The following RALGAPB variants were observed in gnomAD, a reference collection of about 807,000 sequenced individuals.
RALGAPB encodes ral GTPase-activating protein subunit beta.
Under a neutral mutation model 161.1 loss-of-function variants are expected in RALGAPB, and 25 were observed. The ratio of observed to expected loss-of-function variants is 0.16; its 90% CI spans 0.11 to 0.22. The LOEUF (loss-of-function observed/expected upper bound fraction) is 0.22, where lower values mean the gene tolerates loss of function less well. Ranked by LOEUF, RALGAPB falls within the 10% of genes least tolerant of loss-of-function variation. RALGAPB has a pLI of 1.00. For synonymous variants in RALGAPB, 629 were observed against 626.1 expected, an observed-to-expected ratio of 1.00 and a Z score of -0.07; for missense variants, 1,391 against 1,815.2, an observed-to-expected ratio of 0.77 and a Z score of 4.25.
chr20:38,505,446 AG>A (rs2122996309), intron 5 of RALGAPB, among the ~76,000 whole-genome samples: 1 of 152,298 alleles, frequency 6.6e-6, no homozygotes, highest in Admixed American at 6.5e-5. Context: ...GAAGAGGAGC[AG>A]TGTTGAAAAG....
At chr20:38,527,168 A>G (rs1027080598) in intron 13 of RALGAPB, among the ~76,000 whole-genome samples, 8 of 152,208 alleles carry the variant, frequency 5.3e-5, no homozygotes, top group African/African-American at 1.7e-4. Context: ...TTCATTAGCA[A>G]GACTAGAATT....
intron 24 of RALGAPB, among the ~76,000 whole-genome samples, chr20:38,564,951 C>T (rs1354415021): frequency 2.0e-5 from 3 of 150,916 alleles, no homozygotes; most frequent in African/African-American, 7.3e-5. Flanking sequence ...CCCCCTCTCT[C>T]TCTCTCTCTG....
At chr20:38,534,654 T>C (rs1171407904) in intron 15 of RALGAPB, among the ~76,000 whole-genome samples, 1 of 152,248 alleles carries the variant, frequency 6.6e-6, no homozygotes, top group African/African-American at 2.4e-5. Context: ...AGATGCTTGC[T>C]TCAGAGTAAT....
At chr20:38,478,030 G>A (rs2084857991) in intron 1 of RALGAPB, among the ~76,000 whole-genome samples, 1 of 152,220 alleles carries the variant, frequency 6.6e-6, no homozygotes, top group African/African-American at 2.4e-5. Flanking sequence ...GGCTGAGTGG[G>A]AGGATTACTT....
chr20:38,499,318 AT>A (rs1251423258), intron 4 of RALGAPB, 128 bp from the exon 5 acceptor site: 2 of 877,622 alleles, frequency 2.3e-6, no homozygotes, highest in African/African-American at 3.5e-5. Context: ...CTATTAAATG[AT>A]TATTTGAAAG....
intron 5 of RALGAPB, among the ~76,000 whole-genome samples, chr20:38,501,391 T>G (rs2085589626): frequency 1.3e-5 from 2 of 152,238 alleles, no homozygotes; most frequent in South Asian, 4.1e-4. Flanking sequence ...GTGGGCAGAT[T>G]AGTTGAGCTC....
intron 6 of RALGAPB, among the ~76,000 whole-genome samples, chr20:38,511,903 C>T (rs189202160): frequency 0.026 from 3,885 of 152,046 alleles, 164 homozygotes; most frequent in African/African-American, 0.089. Context: ...CCAGACGGGG[C>T]GGCCGGGCAG....
At chr20:38,488,763 C>A in intron 2 of RALGAPB, 145 bp downstream of exon 2, 1 of 762,298 alleles carries the variant, frequency 1.3e-6, no homozygotes, top group African/African-American at 1.8e-5. Flanking sequence ...TTCTCCCCAA[C>A]GTAGTATGAC....
At chr20:38,548,120 T>TG (rs1483848887) in intron 19 of RALGAPB, 1 of 152,166 alleles carries the variant, frequency 6.6e-6, no homozygotes, top group African/African-American at 2.4e-5. Flanking sequence ...AAAAAGGATC[T>TG]GGGTCACTCG....
At chr20:38,562,401 T>C (rs2087815954) in intron 23 of RALGAPB, 131 bp from the exon 24 acceptor site, 3 of 799,532 alleles carry the variant, frequency 3.8e-6, no homozygotes, top group Non-Finnish European at 5.6e-6. Context: ...TATAGTGATA[T>C]ATCCTCAAAT....
At chr20:38,521,966 G>A (rs755796067) in intron 10 of RALGAPB, among the ~76,000 whole-genome samples, 1 of 152,196 alleles carries the variant, frequency 6.6e-6, no homozygotes, top group Admixed American at 6.5e-5. Context: ...ACAATTATTT[G>A]TTAACAAATT....
At chr20:38,480,574 A>T (rs1171004637) in intron 1 of RALGAPB, among the ~76,000 whole-genome samples, 2 of 149,792 alleles carry the variant, frequency 1.3e-5, no homozygotes, top group African/African-American at 4.9e-5. Flanking sequence ...TTTAGTAGAG[A>T]TGGGGTTTCA....
Position 38,491,927 on chromosome 20 carries a change from C to T in RALGAPB, c.187-1003C>T, listed in dbSNP as rs2085292319. ...CTCTTTTGTGAGTGTTCACTGATTG[C>T]TTAGTAATTTGTCTCAAAGTTTTGT... On this transcript the variant is annotated intron_variant, in intron 2 of 29. Transcript: ENST00000262879. 2.0e-5 allele frequency among the ~76,000 whole-genome samples: 3 copies of T among 152,278 alleles called. No homozygotes were observed. The South Asian group carries it at 6.2e-4, about 32-fold the overall frequency.
intron 24 of RALGAPB, among the ~76,000 whole-genome samples, chr20:38,564,991 CT>C (rs2087941549): frequency 6.6e-6 from 1 of 150,856 alleles, no homozygotes; most frequent in African/African-American, 2.4e-5. Flanking sequence ...GCCTGCCTGC[CT>C]GCCTGCCTGT....
chr20:38,498,671 T>G (rs566340402), intron 4 of RALGAPB, among the ~76,000 whole-genome samples: 1 of 152,240 alleles, frequency 6.6e-6, no homozygotes, highest in Non-Finnish European at 1.5e-5. Context: ...GAAACACACA[T>G]TCTTACAACT....
chr20:38,512,682 A>G (rs528305053), intron 6 of RALGAPB, among the ~76,000 whole-genome samples: 2 of 152,118 alleles, frequency 1.3e-5, no homozygotes, highest in Non-Finnish European at 2.9e-5. Flanking sequence ...TGGAATTTTG[A>G]GTAGGATGTT....
intron 6 of RALGAPB, among the ~76,000 whole-genome samples, chr20:38,514,252 A>C (rs545404575): frequency 1.3e-5 from 2 of 152,338 alleles, no homozygotes; most frequent in African/African-American, 4.8e-5. Context: ...TCTCTTGTGC[A>C]TGCACATTGT....
chr20:38,570,882 C>CT, intron 28 of RALGAPB, 35 bp downstream of exon 28: 10 of 1,345,292 alleles, frequency 7.4e-6, no homozygotes, highest in Admixed American at 1.8e-5. Flanking sequence ...ATCAGCGTGT[C>CT]TTTTTTTAAC....
At position 38,552,140 on chromosome 20, in the gene RALGAPB, A is replaced by ATT. The variant is rs11482026; in HGVS notation, c.3162+931_3162+932dup. On this transcript the variant is annotated intron_variant, in intron 21 of 29. Transcript: ENST00000262879. Reference sequence around the variant, plus strand: ...GCCTCGTTAAGGAAAGAAAAGGCTGATTTTTTTTTTTTTTTCTGAGATGGA... The same window carrying ATT: ...GCCTCGTTAAGGAAAGAAAAGGCTGATTTTTTTTTTTTTTTTTCTGAGATGGA... Among the ~76,000 whole-genome samples the ATT allele has an allele frequency of 2.1e-3, 310 of 144,818 alleles. 2 individuals are homozygous for ATT. Among genetic ancestry groups the ATT allele is most frequent in the East Asian group, 7.7e-3 (38 of 4,942 alleles).
Sources: allele counts gnomAD v4.1 joint callset (sites outside exome capture counted in the v4.1 genomes callset), GRCh38; gene constraint gnomAD v4.1.1; transcripts MANE v1.5; gene names NCBI Gene and HGNC (gene_info 2026-07-23, HGNC 2026-07-21).